XPO1: variants seen among roughly 807,000 people sequenced by gnomAD.
The protein encoded by XPO1 is exportin-1.
A neutral mutation model predicts 133.3 loss-of-function variants in XPO1; 5 were observed. The observed-to-expected ratio is 0.04, with a 90% CI of 0.02 to 0.08. The LOEUF is 0.08. Among genes scored for constraint, XPO1 ranks in the 10% least tolerant of loss-of-function variants. XPO1 has a pLI of 1.00. For synonymous variants in XPO1, 419 were observed against 408.2 expected, an observed-to-expected ratio of 1.03 and a Z score of -0.32; for missense variants, 506 against 1,267.5, an observed-to-expected ratio of 0.40 and a Z score of 9.12.
In XPO1 at chr2:61,482,567, C is replaced by A. The variant is rs1160552308; in HGVS notation, c.2813-28G>T. On this transcript the variant is annotated intron_variant, in intron 22 of 24. Coordinates refer to ENST00000401558, the MANE Select transcript of XPO1 (RefSeq NM_003400.4). ...GTTGATAAGAAGAAAATTATTAACT[C>A]CAAAATGTAATATAACTATAGATCT... is the stretch of plus-strand genomic sequence containing the variant. The A allele has an allele frequency of 1.1e-5, 17 of 1,535,126 alleles. 1 individual carries two copies. In the Admixed American group the frequency reaches 3.3e-4, roughly 30 times the overall value.
chr2:61,482,730 C>T (rs1458418468), intron 22 of XPO1, 191 bp from the exon 23 acceptor site: 23 of 738,176 alleles, frequency 3.1e-5, no homozygotes, highest in East Asian at 5.7e-5. Context: ...CTCAGCCTCC[C>T]GAATAGGTGG....
rs1697030360 is a variant in XPO1, at chr2:61,492,120, T to A, written c.1802A>T (p.Gln601Leu). The A allele has an allele frequency of 3.1e-6, 5 of 1,614,214 alleles. No individual in the cohort carries two copies. The highest frequency in any genetic ancestry group is 4.2e-6 in the Non-Finnish European group (5 of 1,180,040). ...TGGCATCACTTCTCCAACCTGAACC[T>A]GAACGAAATGCCTGCGGCATTTTTG... ...IAQKCRRHFV[Q>L]VQVGEVMPFI... is the part of the protein sequence containing the mutation. The change falls in exon 16 of 25, where the codon CAG becomes CTG. Residue 601 changes from glutamine to leucine, a missense_variant. This residue lies in a region of XPO1 where 60 missense variants were observed against 211.0 expected (regional missense o/e 0.28). Transcript: ENST00000401558. This position sits in a 1 kb window ranked among gnomAD's most constrained non-coding sequence, Gnocchi z 5.6.
intron 3 of XPO1, chr2:61,525,908 A>G (rs1393189435): frequency 9.5e-7 from 1 of 1,048,828 alleles, no homozygotes; most frequent in African/African-American, 1.7e-5. Flanking sequence ...AAAACAGACA[A>G]AACACATTTT....
chr2:61,485,475 C>T, intron 20 of XPO1: 1 of 145,294 alleles, frequency 6.9e-6, no homozygotes, highest in Non-Finnish European at 1.5e-5. Context: ...CTCAAGTGAC[C>T]CCCCCCCCCA....
rs536524346 is a variant in XPO1, at chr2:61,503,091, G to A, written c.302-781C>T. Reference sequence around the variant, plus strand: ...AGTGATTCTCCTGCCTCAGGCTCCCGAGTACAGGCATCAACCACCATGCCT... The same window carrying A: ...AGTGATTCTCCTGCCTCAGGCTCCCAAGTACAGGCATCAACCACCATGCCT... On this transcript the variant is annotated intron_variant, in intron 4 of 24. Coordinates refer to ENST00000401558, the MANE Select transcript of XPO1 (RefSeq NM_003400.4). 6.6e-5 allele frequency among the ~76,000 whole-genome samples: 10 copies of A among 150,894 alleles called. No homozygotes were observed. The South Asian group carries it at 1.0e-3, about 16-fold the overall frequency.
At chr2:61,534,041 G>A in intron 1 of XPO1, 138 bp from the exon 2 acceptor site, 1 of 834,858 alleles carries the variant, frequency 1.2e-6, no homozygotes, top group Non-Finnish European at 1.6e-6. Context: ...ACAGAAAACT[G>A]AGATAGTAAA....
At chr2:61,495,281 A>G (rs1039984959) in intron 11 of XPO1, among the ~76,000 whole-genome samples, 174 bp downstream of exon 11, 2 of 152,170 alleles carry the variant, frequency 1.3e-5, no homozygotes, top group African/African-American at 4.8e-5. Context: ...AGAACATAAA[A>G]TCAGAAAACT....
intron 6 of XPO1, among the ~76,000 whole-genome samples, 187 bp downstream of exon 6, chr2:61,501,809 G>A (rs1697541317): frequency 1.3e-5 from 2 of 151,320 alleles, no homozygotes; most frequent in South Asian, 2.1e-4. Context: ...TGGCTTTAAC[G>A]TTATTTGATG....
intron 11 of XPO1, 37 bp downstream of exon 11, chr2:61,495,413 GGCAGA>G: frequency 6.8e-7 from 1 of 1,470,062 alleles, no homozygotes; most frequent in Non-Finnish European, 9.1e-7. Flanking sequence ...GTTATTAGTA[GGCAGA>G]GCAGAATTTT....
chr2:61,520,099 A>G (rs1028533960), intron 4 of XPO1, among the ~76,000 whole-genome samples: 1 of 152,224 alleles, frequency 6.6e-6, no homozygotes, highest in Non-Finnish European at 1.5e-5. Context: ...GAAACGCACA[A>G]TATGCACCCC....
intron 9 of XPO1, among the ~76,000 whole-genome samples, chr2:61,497,410 C>A (rs1697292978): frequency 6.6e-6 from 1 of 152,076 alleles, no homozygotes; most frequent in Non-Finnish European, 1.5e-5. Flanking sequence ...CAGGGTTTTG[C>A]CACGTTGGGC....
intron 4 of XPO1, 158 bp from the exon 5 acceptor site, chr2:61,502,468 G>C (rs553079030): frequency 8.7e-5 from 58 of 668,270 alleles, no homozygotes; most frequent in African/African-American, 8.1e-4. Flanking sequence ...AAAAAATTCC[G>C]GCCCGGTGCG....
intron 4 of XPO1, among the ~76,000 whole-genome samples, chr2:61,503,069 G>A: frequency 6.6e-6 from 1 of 150,590 alleles, no homozygotes; most frequent in East Asian, 2.0e-4. Context: ...AGGTTCAAGT[G>A]ATTCTCCTGC....
intron 4 of XPO1, among the ~76,000 whole-genome samples, chr2:61,521,955 G>A (rs777836537): frequency 2.8e-4 from 43 of 151,998 alleles, no homozygotes; most frequent in Non-Finnish European, 5.3e-4. Context: ...ACAGGGTCTC[G>A]CTATGTTACC....
rs2104381010 is a variant in XPO1 at position 61,488,176 on chromosome 2, C to T, written c.2302G>A (p.Asp768Asn). ...LISGWVSRSN[D>N]PQMVAENFVP... ...CATCTCTCACTTACCATCTGTGGAT[C>T]ATTGGATCGGCTCACCCAACCAGAT... is the stretch of plus-strand genomic sequence containing the variant. The change falls in exon 19 of 25, where the codon GAT becomes AAT. Residue 768 changes from aspartate (D) to asparagine (N), a missense_variant. Asp to Asn is a conservative substitution (Grantham distance 23). Transcript: ENST00000401558. 6.2e-7 allele frequency: 1 copy of T among 1,613,816 alleles called. No homozygotes were observed. Among genetic ancestry groups the T allele is most frequent in the Non-Finnish European group, 8.5e-7 (1 of 1,179,788 alleles).
chr2:61,493,888 T>C lies in XPO1; in HGVS notation c.1245+6A>G, dbSNP rs1240415312. ...AGGAAGAACACTCAACCAACCGCTC[T>C]GTTACCTTGAATAACATGGGCAAAT... On this transcript the variant is annotated splice_donor_region_variant and intron_variant, in intron 12 of 24. Transcript: ENST00000401558. 6.2e-7 allele frequency: 1 copy of C among 1,614,044 alleles called. No homozygotes were observed. Among genetic ancestry groups the C allele is most frequent in the Non-Finnish European group, 8.5e-7 (1 of 1,179,942 alleles).
rs542965056 is a variant in XPO1 at position 61,522,553 on chromosome 2, T to C, written c.301+58A>G. On this transcript the variant is annotated intron_variant, in intron 4 of 24. Transcript: ENST00000401558. ...TTACATGCCCCCTCAAACAGTCAAC[T>C]ACAATAAAAATGCCAGGAAAAACAA... The C allele has an allele frequency of 1.3e-4, 195 of 1,462,704 alleles. 1 individual carries two copies. In the South Asian group the frequency reaches 2.2e-3, roughly 17 times the overall value. 90.6% of individuals were successfully genotyped at this position (1,462,704 alleles called of 1,614,324 possible). A position where few individuals can be genotyped will look rare whatever the true frequency, so the allele number is the denominator to read the frequency against.
chr2:61,486,816 A>AT (rs1489153672), intron 19 of XPO1, among the ~76,000 whole-genome samples: 1 of 152,030 alleles, frequency 6.6e-6, no homozygotes, highest in African/African-American at 2.4e-5. Flanking sequence ...GATTTCTATT[A>AT]TTTTTTTGAA....
At chr2:61,481,129 CAT>C in intron 24 of XPO1, 54 bp downstream of exon 24, 1 of 1,126,702 alleles carries the variant, frequency 8.9e-7, no homozygotes, top group African/African-American at 1.6e-5. Flanking sequence ...TACAATGTAA[CAT>C]AAAAGTGGTC....
Sources: gnomAD v4.1 joint callset for allele counts (sites outside exome capture counted in the v4.1 genomes callset) on GRCh38, gnomAD v4.1.1 for gene constraint, gnomAD v4.1.1 regional missense constraint, Gnocchi (gnomAD v3.1) non-coding constraint, MANE v1.5 for transcripts, NCBI Gene and HGNC (gene_info 2026-07-23, HGNC 2026-07-21) for gene names.